The following GABRG2 variants were observed in gnomAD, a reference collection of about 807,000 sequenced individuals.
GABRG2 encodes the protein gamma-aminobutyric acid type A receptor subunit gamma2, also known as gamma-aminobutyric acid receptor subunit gamma-2.
Under a neutral mutation model 56.4 loss-of-function variants are expected in GABRG2, and 16 were observed. That is an observed-to-expected ratio of 0.28 (90% CI 0.19 to 0.43). The LOEUF is 0.43. Ranked by LOEUF, GABRG2 falls within the 20% of genes least tolerant of loss-of-function variation. The probability of loss-of-function intolerance (pLI) is 1.00; values close to 1 mark genes in which losing one functional copy is unlikely to be tolerated. For missense variants in GABRG2, 327 were observed against 582.7 expected, an observed-to-expected ratio of 0.56 and a Z score of 4.52; for synonymous variants, 208 against 205.5, an observed-to-expected ratio of 1.01 and a Z score of -0.10.
chr5:162,136,537 A>T (rs1764143743), intron 6 of GABRG2, among the ~76,000 whole-genome samples: 1 of 152,072 alleles, frequency 6.6e-6, no homozygotes, highest in Admixed American at 6.6e-5. Flanking sequence ...AAAGGGGTAA[A>T]GAGATTATTC....
chr5:162,095,477 CTA>C lies in GABRG2; in HGVS notation c.260-16_260-15del, dbSNP rs747283752. On this transcript the variant is annotated splice_polypyrimidine_tract_variant and intron_variant, in intron 2 of 9. Transcript: ENST00000639213. ...TGCACCTCTCTATGTGCACACATTT[CTA>C]TGTTTCTCTTTACAGTGAAGCCAAC... is the stretch of plus-strand genomic sequence containing the variant. 1.8e-4 allele frequency: 271 copies of C among 1,541,728 alleles called. No homozygotes were observed. Among genetic ancestry groups the C allele is most frequent in the Non-Finnish European group, 2.3e-4 (258 of 1,115,568 alleles).
chr5:162,116,109 C>CGTGTGTGT (rs1561649623), intron 6 of GABRG2, among the ~76,000 whole-genome samples: 11 of 125,570 alleles, frequency 8.8e-5, no homozygotes, highest in African/African-American at 4.0e-4. Context: ...GGTGTGCGTG[C>CGTGTGTGT]ATGTGTGTGT....
At chr5:162,071,845 A>G (rs1758698202) in intron 1 of GABRG2, among the ~76,000 whole-genome samples, 1 of 151,890 alleles carries the variant, frequency 6.6e-6, no homozygotes, top group South Asian at 2.1e-4. Flanking sequence ...CCTGAGGTAG[A>G]CTGGGTAGAC....
chr5:162,144,757 C>T (rs1374659002), intron 7 of GABRG2, among the ~76,000 whole-genome samples: 2 of 152,138 alleles, frequency 1.3e-5, no homozygotes, highest in African/African-American at 2.4e-5. Flanking sequence ...TTGGTGAAGA[C>T]CAATTGTAGG....
At chr5:162,103,686 T>C (rs962657615) in intron 5 of GABRG2, 2 of 604,580 alleles carry the variant, frequency 3.3e-6, no homozygotes, top group African/African-American at 3.7e-5. Context: ...ATTTGACCTT[T>C]GGATTTTTGA....
intron 6 of GABRG2, among the ~76,000 whole-genome samples, chr5:162,134,397 C>T (rs972059716): frequency 1.3e-5 from 2 of 152,092 alleles, no homozygotes; most frequent in Non-Finnish European, 2.9e-5. Context: ...TCATAGATTA[C>T]TCTGCTTTGA....
chr5:162,128,290 C>G (rs567747540), intron 6 of GABRG2: 17 of 151,928 alleles, frequency 1.1e-4, no homozygotes, highest in Non-Finnish European at 1.6e-4. Context: ...AGATTCTCAT[C>G]TGGGTCATTC....
chr5:162,136,961 C>T (rs1186799541), intron 6 of GABRG2, among the ~76,000 whole-genome samples: 1 of 152,102 alleles, frequency 6.6e-6, no homozygotes, highest in Admixed American at 6.6e-5. Context: ...CCTCTCTTGA[C>T]CTCACAGGAC....
rs555425034 is a variant in GABRG2, at chr5:162,077,174, C to T, written c.107+9068C>T. Among the ~76,000 whole-genome samples the T allele has an allele frequency of 9.2e-4, 140 of 151,738 alleles. 1 individual carries two copies. Among genetic ancestry groups the T allele is most frequent in the Admixed American group, 1.8e-3 (27 of 15,218 alleles). On this transcript the variant is annotated intron_variant, in intron 1 of 9. Coordinates refer to ENST00000639213, the MANE Select transcript of GABRG2 (RefSeq NM_198904.4). ...TTAATAATCATCATTCTTCTTCTCT[C>T]CAATCCCTGCTTGCCCCTGGTAGCC... is the stretch of plus-strand genomic sequence containing the variant.
rs192458813 is a variant in GABRG2, at chr5:162,143,847, T to C, written c.922+1531T>C. 4.6e-5 allele frequency among the ~76,000 whole-genome samples: 7 copies of C among 152,362 alleles called. No individual in the cohort carries two copies. The East Asian group carries it at 1.4e-3, about 29-fold the overall frequency. On this transcript the variant is annotated intron_variant, in intron 7 of 9. Transcript: ENST00000639213. Reference sequence around the variant, plus strand: ...AGAAATGTTGGCTACTATAGTCATTTTCTGACAAAATGGTCTGTACTAAGT... The same window carrying C: ...AGAAATGTTGGCTACTATAGTCATTCTCTGACAAAATGGTCTGTACTAAGT...
intron 6 of GABRG2, among the ~76,000 whole-genome samples, chr5:162,112,804 C>T (rs1470094607): frequency 2.0e-5 from 3 of 152,054 alleles, no homozygotes; most frequent in Non-Finnish European, 2.9e-5. Flanking sequence ...TAATACATTT[C>T]ATTTAAGAGA....
At position 162,095,518 on chromosome 5, in the gene GABRG2, G is replaced by A; in HGVS notation, c.283G>A (p.Asp95Asn). Residue 95 changes from aspartate (D) to asparagine (N), a missense_variant, in exon 3 of 10, where the codon GAC becomes AAC. Asp to Asn is a conservative substitution (Grantham distance 23, BLOSUM62 1). Transcript: ENST00000639213. ...AGTGAAGCCAACGTTAATTCACACA[G>A]ACATGTATGTGAATAGCATTGGTCC... ...IGVKPTLIHTDMYVNSIGPVN... is the reference protein window; with the variant it reads ...IGVKPTLIHTNMYVNSIGPVN... 6.2e-7 allele frequency: 1 copy of A among 1,608,564 alleles called. No individual in the cohort carries two copies. Among genetic ancestry groups the A allele is most frequent in the African/African-American group, 1.3e-5 (1 of 74,890 alleles).
At chr5:162,094,278 G>C in intron 2 of GABRG2, 1 of 388,598 alleles carries the variant, frequency 2.6e-6, no homozygotes, top group South Asian at 2.6e-5. Flanking sequence ...CCTTTATGAA[G>C]CAACATAAAC....
At chr5:162,147,174 AG>A (rs1765011883) in intron 7 of GABRG2, among the ~76,000 whole-genome samples, 1 of 150,090 alleles carries the variant, frequency 6.7e-6, no homozygotes, top group Non-Finnish European at 1.5e-5. Flanking sequence ...TTGCCCTCCA[AG>A]TCTCTCTACC....
intron 6 of GABRG2, among the ~76,000 whole-genome samples, chr5:162,114,588 A>G (rs1043557628): frequency 2.0e-4 from 31 of 152,096 alleles, no homozygotes; most frequent in Non-Finnish European, 2.6e-4. Flanking sequence ...GGATTTTTCT[A>G]TCACAAAATG....
At position 162,116,115 on chromosome 5, in the gene GABRG2, TGTG is replaced by T. The variant is rs1762605631; in HGVS notation, c.769+12090_769+12092del. Among the ~76,000 whole-genome samples the T allele has an allele frequency of 9.3e-5, 9 of 96,274 alleles. No individual in the cohort carries two copies. In the South Asian group the frequency reaches 2.9e-3, roughly 31 times the overall value. The allele number at this position is 96,274 out of a possible 152,430, so 63.2% of individuals were successfully genotyped here. A position where few individuals can be genotyped will look rare whatever the true frequency, so the allele number is the denominator to read the frequency against. On this transcript the variant is annotated intron_variant, in intron 6 of 9. Transcript: ENST00000639213. Reference sequence around the variant, plus strand: ...ACACCAAGGGGTGTGCGTGCATGTGTGTGTGTGTGTGTGTGTGTGTGTGTGTGT... The same window carrying T: ...ACACCAAGGGGTGTGCGTGCATGTGTTGTGTGTGTGTGTGTGTGTGTGTGT...
intron 6 of GABRG2, among the ~76,000 whole-genome samples, chr5:162,129,652 G>C (rs1418696324): frequency 1.3e-5 from 2 of 151,692 alleles, no homozygotes; most frequent in African/African-American, 4.8e-5. Flanking sequence ...GACAAGTAAA[G>C]TAACATTTCT....
intron 5 of GABRG2, chr5:162,102,780 T>A (rs1423958643): frequency 5.8e-6 from 2 of 344,680 alleles, no homozygotes; most frequent in Non-Finnish European, 1.2e-5. Flanking sequence ...TTTCATCACA[T>A]ACTATCATAT....
intron 6 of GABRG2, among the ~76,000 whole-genome samples, chr5:162,114,340 A>C (rs998927007): frequency 6.6e-6 from 1 of 152,124 alleles, no homozygotes; most frequent in African/African-American, 2.4e-5. Flanking sequence ...CGCTATAAAA[A>C]TGGGGAAAAT....
Sources: allele counts gnomAD v4.1 joint callset (sites outside exome capture counted in the v4.1 genomes callset), GRCh38; gene constraint gnomAD v4.1.1; transcripts MANE v1.5; gene names NCBI Gene and HGNC (gene_info 2026-07-23, HGNC 2026-07-21).